Variants in GALNTL6 observed in about 807,000 individuals in gnomAD.
GALNTL6 encodes polypeptide N-acetylgalactosaminyltransferase like 6.
GALNTL6 carries 46 observed loss-of-function variants against 73.7 expected under a neutral mutation model. The ratio of observed to expected loss-of-function variants is 0.62; its 90% confidence interval spans 0.49 to 0.80. The LOEUF (loss-of-function observed/expected upper bound fraction) is 0.80. Among genes scored for constraint, GALNTL6 ranks in the 30% least tolerant of loss-of-function variants. GALNTL6 has a pLI of 0.00. For synonymous variants in GALNTL6, 259 were observed against 263.7 expected (o/e 0.98, Z 0.17); for missense variants, 604 against 755.0 (o/e 0.80, Z 2.34).
intron 2 of GALNTL6, among the ~76,000 whole-genome samples, chr4:172,173,609 G>A (rs1734903000): frequency 6.6e-6 from 1 of 152,208 alleles, no homozygotes; most frequent in South Asian, 2.1e-4. Context: ...TAACATACTG[G>A]AAAGAAAATG....
intron 11 of GALNTL6, among the ~76,000 whole-genome samples, chr4:173,017,764 C>T (rs1752841675): frequency 6.6e-6 from 1 of 152,188 alleles, no homozygotes; most frequent in African/African-American, 2.4e-5. Context: ...CTACAATACG[C>T]AGAAACAAGA....
At chr4:172,704,547 T>G (rs191875349) in intron 5 of GALNTL6, among the ~76,000 whole-genome samples, 2 of 152,032 alleles carry the variant, frequency 1.3e-5, no homozygotes, top group African/African-American at 4.8e-5. Context: ...TTTATTCAAT[T>G]ATGGTCAGAA....
intron 5 of GALNTL6, among the ~76,000 whole-genome samples, chr4:172,537,140 C>T (rs983319756): frequency 2.0e-5 from 3 of 152,118 alleles, no homozygotes; most frequent in Non-Finnish European, 2.9e-5. Context: ...TGTATTTGGA[C>T]TTTTGAGTTA....
At chr4:171,877,249 A>C (rs1397374801) in intron 2 of GALNTL6, among the ~76,000 whole-genome samples, 1 of 152,098 alleles carries the variant, frequency 6.6e-6, no homozygotes, top group Non-Finnish European at 1.5e-5. Flanking sequence ...GCTACGAATT[A>C]CCCCTTTCTC....
intron 7 of GALNTL6, among the ~76,000 whole-genome samples, chr4:172,841,537 T>G (rs1272115573): frequency 1.3e-5 from 2 of 152,080 alleles, no homozygotes; most frequent in Admixed American, 1.3e-4. Context: ...AGAAAAGAAG[T>G]TTAATTGACT....
chr4:172,195,008 G>A (rs1484682133), intron 2 of GALNTL6, among the ~76,000 whole-genome samples: 1 of 152,026 alleles, frequency 6.6e-6, no homozygotes, highest in Non-Finnish European at 1.5e-5. Flanking sequence ...ATGGCAAGCT[G>A]GATAAAGAGT....
At chr4:172,139,804 C>T (rs1733755802) in intron 2 of GALNTL6, among the ~76,000 whole-genome samples, 1 of 152,116 alleles carries the variant, frequency 6.6e-6, no homozygotes, top group Non-Finnish European at 1.5e-5. Flanking sequence ...TATATTTTCA[C>T]TTATTTTTTT....
chr4:172,858,546 CTGGCCTGGCATAG>C (rs909078146), intron 7 of GALNTL6, among the ~76,000 whole-genome samples: 5 of 152,258 alleles, frequency 3.3e-5, no homozygotes, highest in African/African-American at 1.2e-4. Context: ...ACTTTGGCTG[CTGGCCTGGCATAG>C]TGGCTCATGC....
intron 5 of GALNTL6, among the ~76,000 whole-genome samples, chr4:172,618,141 C>T (rs773663860): frequency 6.6e-6 from 1 of 152,162 alleles, no homozygotes; most frequent in Non-Finnish European, 1.5e-5. Context: ...CCCTGTCACA[C>T]TGGTGTAGTC....
chr4:172,363,251 G>A (rs1400059239), intron 5 of GALNTL6, among the ~76,000 whole-genome samples: 1 of 151,928 alleles, frequency 6.6e-6, no homozygotes, highest in Non-Finnish European at 1.5e-5. Context: ...TCTCTATAAC[G>A]GTTCCCTTCT....
chr4:172,382,277 CTT>C (rs879390398), intron 5 of GALNTL6, among the ~76,000 whole-genome samples: 3 of 142,194 alleles, frequency 2.1e-5, no homozygotes. Flanking sequence ...CCAATATTGT[CTT>C]TTTTTTTTTT....
rs17058042 is a variant in GALNTL6, at chr4:172,094,741, T to G, written c.139-134915T>G. On this transcript the variant is annotated intron_variant, in intron 2 of 12. Coordinates refer to ENST00000506823, the MANE Select transcript of GALNTL6 (RefSeq NM_001034845.3). Reference sequence around the variant, plus strand: ...TTTATTGCCACATTTTAGCTTATGCTTTCACTATTACACTAAGATTATTAA... The same window carrying G: ...TTTATTGCCACATTTTAGCTTATGCGTTCACTATTACACTAAGATTATTAA... Among the ~76,000 whole-genome samples the G allele has an allele frequency of 5.7e-4, 87 of 152,264 alleles. No individual in the cohort carries two copies. In the East Asian group the frequency reaches 0.01, roughly 18 times the overall value.
intron 2 of GALNTL6, among the ~76,000 whole-genome samples, chr4:172,092,450 A>G (rs1732231409): frequency 6.6e-6 from 1 of 152,128 alleles, no homozygotes; most frequent in Admixed American, 6.6e-5. Context: ...TCTGTTTCAC[A>G]TGCTTCAGGG....
At chr4:172,829,950 G>A (rs541517024) in intron 7 of GALNTL6, among the ~76,000 whole-genome samples, 3 of 152,268 alleles carry the variant, frequency 2.0e-5, no homozygotes, top group Non-Finnish European at 2.9e-5. Flanking sequence ...CTGGAAGATT[G>A]AAATAACTCT....
At chr4:172,699,282 T>C (rs1733886704) in intron 5 of GALNTL6, among the ~76,000 whole-genome samples, 1 of 152,216 alleles carries the variant, frequency 6.6e-6, no homozygotes, top group African/African-American at 2.4e-5. Flanking sequence ...CATAGCATTC[T>C]GCATGGTAAT....
chr4:172,087,177 C>T (rs896700246), intron 2 of GALNTL6, among the ~76,000 whole-genome samples: 1 of 152,170 alleles, frequency 6.6e-6, no homozygotes, highest in East Asian at 1.9e-4. Context: ...GGCGCAGTGG[C>T]TCACGCCTGT....
chr4:172,350,353 G>T (rs1179941725), intron 5 of GALNTL6, among the ~76,000 whole-genome samples: 2 of 152,112 alleles, frequency 1.3e-5, no homozygotes, highest in African/African-American at 4.8e-5. Flanking sequence ...CTTTGAAAAG[G>T]TTGAAAATAC....
At chr4:172,893,259 A>C (rs557699292) in intron 8 of GALNTL6, among the ~76,000 whole-genome samples, 1 of 152,238 alleles carries the variant, frequency 6.6e-6, no homozygotes, top group East Asian at 1.9e-4. Context: ...CACCCTTCCC[A>C]AAACAGTGTT....
chr4:172,959,448 C>T (rs888221768), intron 10 of GALNTL6, among the ~76,000 whole-genome samples: 5 of 151,856 alleles, frequency 3.3e-5, no homozygotes, highest in Non-Finnish European at 7.4e-5. Context: ...GAAGCCTGGC[C>T]GTCAATACCT....
Sources: gnomAD v4.1 joint callset for allele counts (sites outside exome capture counted in the v4.1 genomes callset) on GRCh38, gnomAD v4.1.1 for gene constraint, MANE v1.5 for transcripts, NCBI Gene and HGNC (gene_info 2026-07-23, HGNC 2026-07-21) for gene names.